XIRP2: variants seen among roughly 807,000 people sequenced by gnomAD.
The protein encoded by XIRP2 is xin actin binding repeat containing 2.
XIRP2 carries 236 observed loss-of-function variants against 277.0 expected under a neutral mutation model. The observed-to-expected ratio is 0.85, with a 90% CI of 0.77 to 0.95. The LOEUF (loss-of-function observed/expected upper bound fraction) is 0.95. XIRP2 is among the 40% of genes least tolerant of loss of function. The pLI, the probability that XIRP2 is intolerant of heterozygous loss-of-function variation, is 0.00. For missense variants in XIRP2, 4,640 were observed against 4,157.5 expected (o/e 1.12, Z -3.19); for synonymous variants, 1,490 against 1,416.5 (o/e 1.05, Z -1.17).
At chr2:167,026,092 G>A (rs997665686) in intron 2 of XIRP2, among the ~76,000 whole-genome samples, 13 of 152,154 alleles carry the variant, frequency 8.5e-5, no homozygotes, top group Non-Finnish European at 1.2e-4. Context: ...GGGAGTCTAA[G>A]TCTCTTTGAA....
chr2:167,001,378 C>A (rs1051553007), intron 2 of XIRP2, among the ~76,000 whole-genome samples: 2 of 152,040 alleles, frequency 1.3e-5, no homozygotes, highest in Non-Finnish European at 2.9e-5. Flanking sequence ...TTAGGATAAA[C>A]GCTAGGGATC....
intron 2 of XIRP2, among the ~76,000 whole-genome samples, chr2:166,984,378 G>A (rs977958571): frequency 1.3e-5 from 2 of 152,136 alleles, no homozygotes; most frequent in Non-Finnish European, 2.9e-5. Flanking sequence ...TAGTTTTGGA[G>A]GCTTAGGAGG....
In XIRP2 at chr2:167,112,926, G is replaced by C. The variant is rs191290069; in HGVS notation, c.409-22983G>C. Among the ~76,000 whole-genome samples the C allele has an allele frequency of 3.0e-3, 458 of 152,140 alleles. 4 individuals carry two copies. Among genetic ancestry groups the C allele is most frequent in the Non-Finnish European group, 5.0e-3 (337 of 67,984 alleles). On this transcript the variant is annotated intron_variant, in intron 2 of 10. Coordinates refer to ENST00000409195, the MANE Select transcript of XIRP2 (RefSeq NM_152381.6). ...TGCCTCAGTCTCCCAAAGTGATGAG[G>C]TTACAGGCACGAACCACCATGCCTG...
At chr2:167,133,048 G>C (rs1323831866) in intron 2 of XIRP2, among the ~76,000 whole-genome samples, 1 of 152,148 alleles carries the variant, frequency 6.6e-6, no homozygotes, top group East Asian at 1.9e-4. Flanking sequence ...AAGAACATTT[G>C]AGAAAACTTA....
chr2:167,025,363 T>G (rs1688122575), intron 2 of XIRP2, among the ~76,000 whole-genome samples: 1 of 152,148 alleles, frequency 6.6e-6, no homozygotes, highest in Admixed American at 6.6e-5. Flanking sequence ...TTATTAGTCT[T>G]GCTAGCGGTC....
In XIRP2 at chr2:167,155,361, A is replaced by G. The variant is rs1322448848; in HGVS notation, c.562+19299A>G. 2.0e-5 allele frequency among the ~76,000 whole-genome samples: 3 copies of G among 151,850 alleles called. No individual in the cohort carries two copies. In the East Asian group the frequency reaches 5.8e-4, roughly 29 times the overall value. ...AAAAATCCTCAATAAAATACTGGCA[A>G]ACCGAATCCAGCAGCACATCAAAAA... is the stretch of plus-strand genomic sequence containing the variant. On this transcript the variant is annotated intron_variant, in intron 3 of 10. Transcript: ENST00000409195.
intron 2 of XIRP2, among the ~76,000 whole-genome samples, chr2:167,075,400 C>G (rs1218171950): frequency 1.3e-5 from 2 of 152,158 alleles, no homozygotes; most frequent in African/African-American, 2.4e-5. Context: ...CTTTACAATT[C>G]AGCCCTTTTT....
intron 2 of XIRP2, among the ~76,000 whole-genome samples, chr2:167,020,397 C>A (rs1041203576): frequency 1.3e-5 from 2 of 151,862 alleles, no homozygotes; most frequent in Non-Finnish European, 2.9e-5. Flanking sequence ...CATATTCTTC[C>A]ACCATCAACA....
chr2:166,973,233 T>A (rs1322577851), intron 2 of XIRP2, among the ~76,000 whole-genome samples: 1 of 152,196 alleles, frequency 6.6e-6, no homozygotes, highest in Admixed American at 6.5e-5. Context: ...AAGTCAGAAA[T>A]AACTGCTTAT....
intron 2 of XIRP2, among the ~76,000 whole-genome samples, chr2:167,117,745 G>T (rs925248607): frequency 2.0e-5 from 3 of 152,164 alleles, no homozygotes; most frequent in Non-Finnish European, 4.4e-5. Context: ...CAGTACACCA[G>T]CAAACCTCTC....
intron 2 of XIRP2, among the ~76,000 whole-genome samples, chr2:166,915,686 C>T (rs933316156): frequency 6.6e-6 from 1 of 152,164 alleles, no homozygotes; most frequent in African/African-American, 2.4e-5. Context: ...TCTAATTATT[C>T]TATTCATGTC....
chr2:166,902,615 T>TG (rs1491217963), intron 1 of XIRP2, among the ~76,000 whole-genome samples: 223 of 152,044 alleles, frequency 1.5e-3, no homozygotes, highest in East Asian at 5.3e-3. Context: ...TGTGTGTGTG[T>TG]TTGTGTTTCT....
At chr2:167,208,603 C>T (rs1008060567) in intron 3 of XIRP2, among the ~76,000 whole-genome samples, 3 of 152,088 alleles carry the variant, frequency 2.0e-5, no homozygotes, top group Non-Finnish European at 2.9e-5. Flanking sequence ...CCACCGCGCC[C>T]GGCTGAGAGT....
intron 2 of XIRP2, among the ~76,000 whole-genome samples, chr2:166,964,173 T>A (rs1200957378): frequency 6.6e-6 from 1 of 151,902 alleles, no homozygotes; most frequent in Non-Finnish European, 1.5e-5. Flanking sequence ...AGTATATGGA[T>A]AAAATTAATT....
intron 2 of XIRP2, among the ~76,000 whole-genome samples, chr2:167,087,476 C>A (rs1000859644): frequency 6.6e-6 from 1 of 152,152 alleles, no homozygotes; most frequent in Non-Finnish European, 1.5e-5. Flanking sequence ...CCACCCAGTT[C>A]GAGCTTCCCG....
intron 2 of XIRP2, among the ~76,000 whole-genome samples, chr2:166,969,219 T>C (rs1184202570): frequency 1.3e-5 from 2 of 151,926 alleles, no homozygotes; most frequent in African/African-American, 4.8e-5. Context: ...TATGCCAACT[T>C]CCAAAACAGT....
At chr2:167,135,634 T>C (rs1455802869) in intron 2 of XIRP2, among the ~76,000 whole-genome samples, 1 of 152,110 alleles carries the variant, frequency 6.6e-6, no homozygotes, top group Non-Finnish European at 1.5e-5. Flanking sequence ...GACCCTTATT[T>C]CCACTCTCTC....
chr2:167,018,344 A>G (rs192750531), intron 2 of XIRP2, among the ~76,000 whole-genome samples: 240 of 152,100 alleles, frequency 1.6e-3, no homozygotes, highest in Non-Finnish European at 5.6e-4. Flanking sequence ...TCTTAATACT[A>G]TTTGTGTTAG....
At chr2:167,215,545 T>C (rs746899646) in intron 4 of XIRP2, among the ~76,000 whole-genome samples, 2 of 152,194 alleles carry the variant, frequency 1.3e-5, no homozygotes. Flanking sequence ...AGACTACTTA[T>C]TTGGTTAAAG....
Sources: allele counts gnomAD v4.1 joint callset (sites outside exome capture counted in the v4.1 genomes callset), GRCh38; gene constraint gnomAD v4.1.1; transcripts MANE v1.5; gene names NCBI Gene and HGNC (gene_info 2026-07-23, HGNC 2026-07-21).